The following NLRP10 variants were observed in gnomAD, a reference collection of about 807,000 sequenced individuals.
The protein encoded by NLRP10 is NACHT, LRR and PYD domains-containing protein 10.
NLRP10 carries 7 observed loss-of-function variants against 8.2 expected under a neutral mutation model. The observed-to-expected ratio is 0.85, with a 90% CI of 0.48 to 1.60. The LOEUF is 1.60. NLRP10 is among the 40% of genes most tolerant of loss of function. NLRP10 has a pLI of 0.00. For missense variants in NLRP10, 814 were observed against 776.3 expected, an observed-to-expected ratio of 1.05 and a Z score of -0.58; for synonymous variants, 338 against 314.0, an observed-to-expected ratio of 1.08 and a Z score of -0.81.
Position 7,961,004 on chromosome 11 carries a change from A to T in NLRP10, c.608T>A (p.Val203Asp), listed in dbSNP as rs1014834876. 7 of 1,614,048 alleles carry T rather than the reference A, an allele frequency of 4.3e-6. No individual in the cohort carries two copies. In the African/African-American group the frequency reaches 9.3e-5, roughly 22 times the overall value. ...GTLYPGRFDYVFYVSCKEVVL... is the reference protein window; with the variant it reads ...GTLYPGRFDYDFYVSCKEVVL... Reference sequence around the variant, plus strand: ...CACTTCTTTGCAGCTTACATAAAAGACATAATCAAACCGGCCTGGGTACAG... The same window carrying T: ...CACTTCTTTGCAGCTTACATAAAAGTCATAATCAAACCGGCCTGGGTACAG... The change falls in exon 3 of 3, where the codon GTC becomes GAC. Residue 203 changes from valine to aspartate, a missense_variant. Physicochemically the swap from Val to Asp is radical, Grantham distance 152. Coordinates refer to ENST00000691676, the MANE Select transcript of NLRP10 (RefSeq NM_001391958.1).
At position 7,960,138 on chromosome 11, in the gene NLRP10, G is replaced by A. The variant is rs1337384075; in HGVS notation, c.1474C>T (p.Arg492Cys). Reference protein sequence around the residue: ...EDQSRLGKESRREVQRLLEVK... With the variant: ...EDQSRLGKESCREVQRLLEVK... The stretch of plus-strand genomic sequence containing the variant: ...TCCAGCAGCCTTTGCACTTCTCTGC[G>A]GGACTCCTTCCCCAGCCGGCTTTGG... Residue 492 changes from arginine to cysteine, a missense_variant, in exon 3 of 3, where the codon CGC becomes TGC. Coordinates refer to ENST00000691676, the MANE Select transcript of NLRP10 (RefSeq NM_001391958.1). 6 of 1,613,914 alleles carry A rather than the reference G, an allele frequency of 3.7e-6. No homozygotes were observed. Among genetic ancestry groups the A allele is most frequent in the Admixed American group, 1.7e-5 (1 of 59,982 alleles).
In NLRP10 at chr11:7,959,604, T is replaced by C. The variant is rs1941677559; in HGVS notation, c.*40A>G. 2.9e-6 allele frequency: 3 copies of C among 1,044,998 alleles called. No individual in the cohort carries two copies. The highest frequency in any genetic ancestry group is 4.2e-6 in the Non-Finnish European group (3 of 720,164). The allele number at this position is 1,044,998 out of a possible 1,614,324, so 64.7% of individuals were successfully genotyped here. ...TTTGATTTCTTTCCTCAGAGTGTTG[T>C]CATTTTCCTCATAGAGATCTTGTAC... On this transcript the variant is annotated 3_prime_UTR_variant, in exon 3 of 3. Transcript: ENST00000691676.
Position 7,960,112 on chromosome 11 carries a change from C to T in NLRP10, c.1500G>A (p.Glu500=). The change falls in exon 3 of 3, where the codon GAG becomes GAA. Residue 500 remains glutamate (E), a synonymous_variant. Transcript: ENST00000691676. ...CATCATTCCCTTCCTGCTCCTTTACCTCCAGCAGCCTTTGCACTTCTCTGC... is the reference window on the plus strand; with the variant it reads ...CATCATTCCCTTCCTGCTCCTTTACTTCCAGCAGCCTTTGCACTTCTCTGC... ...ESRREVQRLL[E]VKEQEGNDEM... The T allele has an allele frequency of 6.2e-7, 1 of 1,614,104 alleles. No individual in the cohort carries two copies. Among genetic ancestry groups the T allele is most frequent in the Non-Finnish European group, 8.5e-7 (1 of 1,179,994 alleles).
At position 7,961,135 on chromosome 11, in the gene NLRP10, C is replaced by A. The variant is rs756093312; in HGVS notation, c.477G>T (p.Gly159=). 1 of 1,614,042 alleles carries A rather than the reference C, an allele frequency of 6.2e-7. No homozygotes were observed. The highest frequency in any genetic ancestry group is 8.5e-7 in the Non-Finnish European group (1 of 1,180,000). The change falls in exon 3 of 3, where the codon GGG becomes GGT. Residue 159 remains glycine (G), a synonymous_variant. Coordinates refer to ENST00000691676, the MANE Select transcript of NLRP10 (RefSeq NM_001391958.1). ...SVTVEALFDS[G]EKPSLAPSLV... Reference sequence around the variant, plus strand: ...AGGATGGGGCCAGTGAGGGCTTTTCCCCTGAATCAAATAGAGCCTCCACCG... The same window carrying A: ...AGGATGGGGCCAGTGAGGGCTTTTCACCTGAATCAAATAGAGCCTCCACCG...
In NLRP10 at chr11:7,963,324, C is replaced by A; in HGVS notation, c.172G>T (p.Ala58Ser). 6.2e-7 allele frequency: 1 copy of A among 1,614,230 alleles called. No homozygotes were observed. The highest frequency in any genetic ancestry group is 8.5e-7 in the Non-Finnish European group (1 of 1,180,028). Reference protein sequence around the residue: ...ELEGLIPVDLAELLISKYGEK... With the variant: ...ELEGLIPVDLSELLISKYGEK... ...CCATACTTTGAAATCAGTAATTCTGCCAGGTCCACCGGAATCAGGCCCTCC... is the reference window on the plus strand; with the variant it reads ...CCATACTTTGAAATCAGTAATTCTGACAGGTCCACCGGAATCAGGCCCTCC... Residue 58 changes from alanine to serine, a missense_variant, in exon 2 of 3, where the codon GCA becomes TCA. Transcript: ENST00000691676.
At position 7,963,373 on chromosome 11, in the gene NLRP10, C is replaced by G; in HGVS notation, c.123G>C (p.Gln41His). The G allele has an allele frequency of 6.2e-7, 1 of 1,614,146 alleles. No homozygotes were observed. Among genetic ancestry groups the G allele is most frequent in the Non-Finnish European group, 8.5e-7 (1 of 1,179,964 alleles). ...YLRDMTLSEGQPPLARGELEG... is the reference protein window; with the variant it reads ...YLRDMTLSEGHPPLARGELEG... ...CCAACTCCCCTCTGGCCAGTGGGGGCTGGCCCTCAGACAGGGTCATATCCC... is the reference window on the plus strand; with the variant it reads ...CCAACTCCCCTCTGGCCAGTGGGGGGTGGCCCTCAGACAGGGTCATATCCC... The change falls in exon 2 of 3, where the codon CAG becomes CAC. Residue 41 changes from glutamine (Q) to histidine (H), a missense_variant. Physicochemically the swap from Gln to His is conservative, Grantham distance 24. Transcript: ENST00000691676.
intron 1 of NLRP10, 129 bp downstream of exon 1, chr11:7,965,117 C>T (rs1941797560): frequency 6.6e-6 from 1 of 152,216 alleles, no homozygotes; most frequent in African/African-American, 2.4e-5. Context: ...TACAACAAAG[C>T]TTCAGGCTGC....
chr11:7,963,685 G>A (rs1035215110), intron 1 of NLRP10, 145 bp from the exon 2 acceptor site: 1 of 587,562 alleles, frequency 1.7e-6, no homozygotes. Flanking sequence ...GAAACGCAGG[G>A]GAATTTTCCT....
chr11:7,963,536 G>C lies in NLRP10; in HGVS notation c.-41C>G. On this transcript the variant is annotated 5_prime_UTR_variant, in exon 2 of 3. Coordinates refer to ENST00000691676, the MANE Select transcript of NLRP10 (RefSeq NM_001391958.1). ...GGATCAAGTCCAGACCAGAAGACCA[G>C]TGACCTGGAGAAAGAGGCAAAAGGA... The C allele has an allele frequency of 6.4e-7, 1 of 1,555,532 alleles. No individual in the cohort carries two copies. Among genetic ancestry groups the C allele is most frequent in the Non-Finnish European group, 8.7e-7 (1 of 1,149,740 alleles).
chr11:7,963,445 C>G lies in NLRP10; in HGVS notation c.51G>C (p.Leu17Phe). 1 of 1,614,130 alleles carries G rather than the reference C, an allele frequency of 6.2e-7. No individual in the cohort carries two copies. Among genetic ancestry groups the G allele is most frequent in the Non-Finnish European group, 8.5e-7 (1 of 1,180,024 alleles). The part of the protein sequence containing the change: ...RKPREALLWA[L>F]SDLEENDFKK... ...TGAAATCGTTCTCCTCAAGGTCACTCAAGGCCCAGAGCAATGCCTCCCGGG... is the reference window on the plus strand; with the variant it reads ...TGAAATCGTTCTCCTCAAGGTCACTGAAGGCCCAGAGCAATGCCTCCCGGG... The change falls in exon 2 of 3, where the codon TTG becomes TTC. Residue 17 changes from leucine to phenylalanine, a missense_variant. Leu to Phe is a conservative substitution (Grantham distance 22, BLOSUM62 0). Coordinates refer to ENST00000691676, the MANE Select transcript of NLRP10 (RefSeq NM_001391958.1).
chr11:7,961,715 T>G (rs1941734744), intron 2 of NLRP10, among the ~76,000 whole-genome samples: 1 of 152,082 alleles, frequency 6.6e-6, no homozygotes, highest in Non-Finnish European at 1.5e-5. Flanking sequence ...AATGTCTGAG[T>G]GTTCATGTGA....
At position 7,957,674 on chromosome 11, in the gene NLRP10, A is replaced by G. The variant is rs1036509067; in HGVS notation, c.*1970T>C. Among the ~76,000 whole-genome samples, 1 of 152,174 alleles carries G rather than the reference A, an allele frequency of 6.6e-6. No homozygotes were observed. Among genetic ancestry groups the G allele is most frequent in the African/African-American group, 2.4e-5 (1 of 41,458 alleles). ...GTTTCTCTTATTAACATCTTGCATT[A>G]GTGTGACACATTTGTGATCATTGAT... is the stretch of plus-strand genomic sequence containing the variant. On this transcript the variant is annotated 3_prime_UTR_variant, in exon 3 of 3. Coordinates refer to ENST00000691676, the MANE Select transcript of NLRP10 (RefSeq NM_001391958.1).
rs1941650787 is a variant in NLRP10 at position 7,958,138 on chromosome 11, C to CT, written c.*1505dup. ...CACCTATTGAAGGACATCTTGGTTG[C>CT]TTCCAAATTTGGGCAATTACGAATA... On this transcript the variant is annotated 3_prime_UTR_variant, in exon 3 of 3. Transcript: ENST00000691676. Among the ~76,000 whole-genome samples, 1 of 152,168 alleles carries CT rather than the reference C, an allele frequency of 6.6e-6. No homozygotes were observed. Among genetic ancestry groups the CT allele is most frequent in the South Asian group, 2.1e-4 (1 of 4,832 alleles).
At position 7,960,928 on chromosome 11, in the gene NLRP10, C is replaced by A. The variant is rs1252362141; in HGVS notation, c.684G>T (p.Gly228=). 1 of 1,614,156 alleles carries A rather than the reference C, an allele frequency of 6.2e-7. No individual in the cohort carries two copies. The highest frequency in any genetic ancestry group is 1.1e-5 in the South Asian group (1 of 91,082). The change falls in exon 3 of 3, where the codon GGG becomes GGT. Residue 228 remains glycine, a synonymous_variant. Coordinates refer to ENST00000691676, the MANE Select transcript of NLRP10 (RefSeq NM_001391958.1). ...TCTCTGTGACAGGGGCTTGATTGTC[C>A]CCGCAGCACCAGAAAAGGAGCTGCT... ...KLEQLLFWCC[G]DNQAPVTEIL...
At chr11:7,963,600 G>A in intron 1 of NLRP10, 60 bp from the exon 2 acceptor site, 1 of 1,020,014 alleles carries the variant, frequency 9.8e-7, no homozygotes, top group Non-Finnish European at 1.4e-6. Flanking sequence ...CTTTCTGGGG[G>A]CTTGGCCAAG....
chr11:7,959,663 G>GGT lies in NLRP10; in HGVS notation c.1947_1948dup (p.Pro650HisfsTer11). The GGT allele has an allele frequency of 6.4e-7, 1 of 1,556,210 alleles. No individual in the cohort carries two copies. The highest frequency in any genetic ancestry group is 1.4e-5 in the African/African-American group (1 of 71,866). On this transcript the variant is annotated frameshift_variant, in exon 3 of 3. Transcript: ENST00000691676. LOFTEE classifies it high-confidence loss of function. The stretch of plus-strand genomic sequence containing the variant: ...TTAGGTTTATATGTAAGTATTTTTT[G>GGT]GTGTTTCCTCTGTCCCTCTGCCTTT...
chr11:7,959,649 T>C lies in NLRP10; in HGVS notation c.1963A>G (p.Ile655Val). The change falls in exon 3 of 3, where the codon ATA (isoleucine) becomes GTA (valine). Residue 655 changes from isoleucine to valine, a missense_variant. Physicochemically the swap from Ile to Val is conservative, Grantham distance 29 (BLOSUM62 3). Coordinates refer to ENST00000691676, the MANE Select transcript of NLRP10 (RefSeq NM_001391958.1). ...TTGTACATATTTAATTAGGTTTATA[T>C]GTAAGTATTTTTTGGTGTTTCCTCT... ...GTEETPKNTY[I>V] is the part of the protein sequence containing the mutation. 6.6e-7 allele frequency: 1 copy of C among 1,505,542 alleles called. No individual in the cohort carries two copies. Among genetic ancestry groups the C allele is most frequent in the South Asian group, 1.2e-5 (1 of 81,098 alleles). The allele number at this position is 1,505,542 out of a possible 1,614,324, so 93.3% of individuals were successfully genotyped here. A position where few individuals can be genotyped will look rare whatever the true frequency, so the allele number is the denominator to read the frequency against.
Position 7,960,274 on chromosome 11 carries a change from G to C in NLRP10, c.1338C>G (p.Phe446Leu). The C allele has an allele frequency of 1.9e-6, 3 of 1,614,146 alleles. No homozygotes were observed. The highest frequency in any genetic ancestry group is 2.5e-6 in the Non-Finnish European group (3 of 1,180,016). Reference protein sequence around the residue: ...HNLDGPRLAAFLSSNDYQLGL... With the variant: ...HNLDGPRLAALLSSNDYQLGL... Reference sequence around the variant, plus strand: ...CCAATTGGTAGTCGTTACTACTCAGGAAAGCGGCAAGCCTGGGGCCATCTA... The same window carrying C: ...CCAATTGGTAGTCGTTACTACTCAGCAAAGCGGCAAGCCTGGGGCCATCTA... The change falls in exon 3 of 3, where the codon TTC becomes TTG. Residue 446 changes from phenylalanine (F) to leucine (L), a missense_variant. By Grantham distance (22) the Phe-to-Leu change is conservative. Coordinates refer to ENST00000691676, the MANE Select transcript of NLRP10 (RefSeq NM_001391958.1).
chr11:7,964,810 G>A (rs367625215), intron 1 of NLRP10, among the ~76,000 whole-genome samples: 1 of 152,196 alleles, frequency 6.6e-6, no homozygotes, highest in African/African-American at 2.4e-5. Flanking sequence ...TGTAGGCCAG[G>A]TGGCAGTCTT....
Sources: allele counts gnomAD v4.1 joint callset (sites outside exome capture counted in the v4.1 genomes callset), GRCh38; gene constraint gnomAD v4.1.1; transcripts MANE v1.5; gene names NCBI Gene and HGNC (gene_info 2026-07-23, HGNC 2026-07-21).